The following MRAS variants were observed in gnomAD, a reference collection of about 807,000 sequenced individuals.
The protein encoded by MRAS is ras-related protein M-Ras.
MRAS carries 4 observed loss-of-function variants against 20.9 expected under a neutral mutation model. The ratio of observed to expected loss-of-function variants is 0.19; its 90% confidence interval spans 0.09 to 0.44. The LOEUF is 0.44. Ranked by LOEUF, MRAS falls within the 20% of genes least tolerant of loss-of-function variation. MRAS has a pLI of 0.99. For synonymous variants in MRAS, 98 were observed against 102.9 expected (o/e 0.95, Z 0.29); for missense variants, 154 against 277.5 (o/e 0.56, Z 3.16).
rs62282882 is a variant in MRAS at position 138,394,477 on chromosome 3, C to G, written c.194-2847C>G. Among the ~76,000 whole-genome samples, 445 of 152,234 alleles carry G rather than the reference C, an allele frequency of 2.9e-3. 3 individuals are homozygous for G. The highest frequency in any genetic ancestry group is 4.8e-3 in the Admixed American group (74 of 15,284). On this transcript the variant is annotated intron_variant, in intron 2 of 5. Transcript: ENST00000423968. ...CTTTCTTGGGTACTGTGTAAAGGTG[C>G]CTGTCTAAGAAGATGTGGATTCCCA...
Position 138,372,877 on chromosome 3 carries a change from G to A in MRAS, c.-7G>A, listed in dbSNP as rs368097379. On this transcript the variant is annotated 5_prime_UTR_variant, in exon 2 of 6. Coordinates refer to ENST00000423968, the MANE Select transcript of MRAS (RefSeq NM_001085049.3). The stretch of plus-strand genomic sequence containing the variant: ...TCTTGCTGCCGCAGGTCTGACCTAC[G>A]AGAAACATGGCAACCAGCGCCGTCC... 6.9e-5 allele frequency: 105 copies of A among 1,526,950 alleles called. No individual in the cohort carries two copies. Among genetic ancestry groups the A allele is most frequent in the Non-Finnish European group, 8.9e-5 (102 of 1,147,562 alleles). The allele number at this position is 1,526,950 out of a possible 1,614,324, so 94.6% of individuals were successfully genotyped here.
intron 1 of MRAS, among the ~76,000 whole-genome samples, chr3:138,356,892 CCCCGTCCCCCCGT>C (rs1391726601): frequency 6.6e-6 from 1 of 152,204 alleles, no homozygotes; most frequent in Non-Finnish European, 1.5e-5. Context: ...TACTCACTGA[CCCCGTCCCCCCGT>C]CCCACCCACC....
intron 1 of MRAS, among the ~76,000 whole-genome samples, chr3:138,360,812 G>A (rs966488788): frequency 3.9e-5 from 6 of 152,190 alleles, no homozygotes; most frequent in Non-Finnish European, 7.3e-5. Context: ...CAGGGCTCTG[G>A]GATGCCCAGA....
chr3:138,365,955 G>C (rs1381022060), intron 1 of MRAS, among the ~76,000 whole-genome samples: 1 of 152,208 alleles, frequency 6.6e-6, no homozygotes, highest in Non-Finnish European at 1.5e-5. Flanking sequence ...AACGGAGTGA[G>C]CTGAAAAGCA....
At chr3:138,388,452 A>G (rs1391001579) in intron 2 of MRAS, among the ~76,000 whole-genome samples, 1 of 152,204 alleles carries the variant, frequency 6.6e-6, no homozygotes, top group Non-Finnish European at 1.5e-5. Context: ...TAATCCTTGC[A>G]CTTTGGGAGG....
Position 138,397,433 on chromosome 3 carries a change from G to T in MRAS, c.303G>T (p.Glu101Asp), listed in dbSNP as rs765312619. Reference protein sequence around the residue: ...VYSVTDKASFEHVDRFHQLIL... With the variant: ...VYSVTDKASFDHVDRFHQLIL... Reference sequence around the variant, plus strand: ...CCGTCACTGACAAGGCCAGCTTTGAGCACGTGGACCGCTTCCACCAGCTTA... The same window carrying T: ...CCGTCACTGACAAGGCCAGCTTTGATCACGTGGACCGCTTCCACCAGCTTA... Residue 101 changes from glutamate (E) to aspartate (D), a missense_variant, in exon 3 of 6, where the codon GAG (glutamate) becomes GAT (aspartate). Physicochemically the swap from Glu to Asp is conservative, Grantham distance 45. Transcript: ENST00000423968. 1.9e-6 allele frequency: 3 copies of T among 1,614,174 alleles called. No individual in the cohort carries two copies. Among genetic ancestry groups the T allele is most frequent in the Non-Finnish European group, 2.5e-6 (3 of 1,180,028 alleles).
At position 138,405,126 on chromosome 3, in the gene MRAS, TG is replaced by T. The variant is rs1256328479; in HGVS notation, c.*2859del. ...CACTTTGCCACTCGGGACACCTGGATGGTTTCTCTTAGGACTTTGCCCACCT... is the reference window on the plus strand; with the variant it reads ...CACTTTGCCACTCGGGACACCTGGATGTTTCTCTTAGGACTTTGCCCACCT... On this transcript the variant is annotated 3_prime_UTR_variant, in exon 6 of 6. Transcript: ENST00000423968. 3 of 152,552 alleles carry T rather than the reference TG, an allele frequency of 2.0e-5. No homozygotes were observed. The highest frequency in any genetic ancestry group is 1.3e-4 in the Admixed American group (2 of 15,276). 9.4% of individuals were successfully genotyped at this position (152,552 alleles called of 1,614,324 possible).
chr3:138,397,283 G>C (rs774019575), intron 2 of MRAS, 41 bp from the exon 3 acceptor site: 3 of 1,606,582 alleles, frequency 1.9e-6, no homozygotes, highest in Non-Finnish European at 1.7e-6. Context: ...GGGCTACAGG[G>C]TAGGTGAGGA....
chr3:138,364,523 G>A (rs1193903054), intron 1 of MRAS, among the ~76,000 whole-genome samples: 1 of 152,216 alleles, frequency 6.6e-6, no homozygotes, highest in Non-Finnish European at 1.5e-5. Flanking sequence ...AAGCTCTTTG[G>A]CAAGGATTTC....
Position 138,363,825 on chromosome 3 carries a change from C to G in MRAS, c.-18-9041C>G, listed in dbSNP as rs867944731. ...GTGACCTGTTAGAGGATTTACCCCC[C>G]CCCCCCCCCAAACCACAGGGTACCC... On this transcript the variant is annotated intron_variant, in intron 1 of 5. Transcript: ENST00000423968. Among the ~76,000 whole-genome samples, 110 of 102,890 alleles carry G rather than the reference C, an allele frequency of 1.1e-3. 9 individuals carry two copies. In the South Asian group the frequency reaches 0.042, roughly 39 times the overall value. The allele number at this position is 102,890 out of a possible 152,430, so 67.5% of individuals were successfully genotyped here.
intron 2 of MRAS, among the ~76,000 whole-genome samples, chr3:138,385,506 T>G (rs140235244): frequency 2.6e-4 from 39 of 149,896 alleles, no homozygotes; most frequent in African/African-American, 9.5e-4. Context: ...ATATATATAT[T>G]TATTTATTTA....
rs546183376 is a variant in MRAS at position 138,386,283 on chromosome 3, A to G, written c.194-11041A>G. On this transcript the variant is annotated intron_variant, in intron 2 of 5. Coordinates refer to ENST00000423968, the MANE Select transcript of MRAS (RefSeq NM_001085049.3). ...TCACTCTCCATTCTCCCCCCTCCTC[A>G]GTCCCTGAAACCATTAATCCACTTC... 2.0e-5 allele frequency among the ~76,000 whole-genome samples: 3 copies of G among 150,896 alleles called. No homozygotes were observed. The South Asian group carries it at 6.3e-4, about 32-fold the overall frequency.
chr3:138,372,317 A>G (rs940756576), intron 1 of MRAS, among the ~76,000 whole-genome samples: 2 of 152,164 alleles, frequency 1.3e-5, no homozygotes, highest in Non-Finnish European at 2.9e-5. Flanking sequence ...TGTATAATAC[A>G]GGGCAAGAAG....
chr3:138,378,472 A>G (rs1021764613), intron 2 of MRAS, among the ~76,000 whole-genome samples: 12 of 151,892 alleles, frequency 7.9e-5, no homozygotes, highest in African/African-American at 2.7e-4. Flanking sequence ...CTCACTTTAT[A>G]TTGTCAAGGG....
intron 1 of MRAS, among the ~76,000 whole-genome samples, chr3:138,358,210 T>G (rs4678412): frequency 0.6 from 90,422 of 151,964 alleles, 27,848 homozygotes; most frequent in East Asian, 0.73. Flanking sequence ...GGTGGCATGT[T>G]CCTGTAGTAA....
chr3:138,363,156 C>T (rs563524118), intron 1 of MRAS, among the ~76,000 whole-genome samples: 1 of 152,126 alleles, frequency 6.6e-6, no homozygotes, highest in South Asian at 2.1e-4. Context: ...TCCGCCTCCC[C>T]AGTTCAAGTG....
chr3:138,396,138 C>T (rs1022523807), intron 2 of MRAS, among the ~76,000 whole-genome samples: 1 of 152,146 alleles, frequency 6.6e-6, no homozygotes, highest in African/African-American at 2.4e-5. Context: ...TCCTGGACTG[C>T]GAGGGTAGCC....
At chr3:138,362,948 G>A (rs536465229) in intron 1 of MRAS, among the ~76,000 whole-genome samples, 24 of 152,230 alleles carry the variant, frequency 1.6e-4, no homozygotes, top group Non-Finnish European at 2.9e-4. Context: ...GCAGTACCGA[G>A]TGTCTCCTTG....
In MRAS at chr3:138,404,237, G is replaced by A. The variant is rs934589042; in HGVS notation, c.*1968G>A. 2 of 152,324 alleles carry A rather than the reference G, an allele frequency of 1.3e-5. No individual in the cohort carries two copies. The highest frequency in any genetic ancestry group is 4.8e-5 in the African/African-American group (2 of 41,444). 9.4% of individuals were successfully genotyped at this position (152,324 alleles called of 1,614,324 possible). On this transcript the variant is annotated 3_prime_UTR_variant, in exon 6 of 6. Transcript: ENST00000423968. ...GCAGCTGCAAACTGGAGGTGAGGCG[G>A]AGGAAAGGCAGGTAGGAAGGAGTAA...
Sources: gnomAD v4.1 joint callset for allele counts (sites outside exome capture counted in the v4.1 genomes callset) on GRCh38, gnomAD v4.1.1 for gene constraint, MANE v1.5 for transcripts, NCBI Gene and HGNC (gene_info 2026-07-23, HGNC 2026-07-21) for gene names.